Variants in MDGA2 observed in about 807,000 individuals in gnomAD.
MDGA2 encodes the protein MAM domain containing glycosylphosphatidylinositol anchor 2, also known as MAM domain-containing glycosylphosphatidylinositol anchor protein 2.
Under a neutral mutation model 117.8 loss-of-function variants are expected in MDGA2, and 40 were observed. The ratio of observed to expected loss-of-function variants is 0.34; its 90% confidence interval spans 0.26 to 0.44. MDGA2 has a LOEUF of 0.44. MDGA2 is among the 20% of genes least tolerant of loss of function. MDGA2 has a pLI of 1.00. For synonymous variants in MDGA2, 452 were observed against 439.0 expected, an observed-to-expected ratio of 1.03 and a Z score of -0.37; for missense variants, 1,123 against 1,250.6, an observed-to-expected ratio of 0.90 and a Z score of 1.54.
chr14:46,997,569 A>G (rs1298900607), intron 8 of MDGA2, among the ~76,000 whole-genome samples: 1 of 152,130 alleles, frequency 6.6e-6, no homozygotes, highest in Non-Finnish European at 1.5e-5. Context: ...TTAAAGAGCT[A>G]GCTAAGAAAC....
At chr14:47,517,033 G>T (rs1041770649) in intron 1 of MDGA2, among the ~76,000 whole-genome samples, 5 of 152,118 alleles carry the variant, frequency 3.3e-5, no homozygotes, top group Non-Finnish European at 7.4e-5. Flanking sequence ...AGGAATCACA[G>T]ATTGAGACTC....
chr14:47,025,929 T>G (rs1193438140), intron 8 of MDGA2, among the ~76,000 whole-genome samples: 1 of 152,144 alleles, frequency 6.6e-6, no homozygotes, highest in Non-Finnish European at 1.5e-5. Flanking sequence ...TTCTGTCTTA[T>G]ACCCTTGTGT....
intron 2 of MDGA2, among the ~76,000 whole-genome samples, chr14:47,228,839 G>A (rs1886594502): frequency 6.6e-6 from 1 of 152,158 alleles, no homozygotes; most frequent in East Asian, 1.9e-4. Flanking sequence ...GTTGAATTAT[G>A]ACAACTCTTG....
rs535474271 is a variant in MDGA2, at chr14:47,171,764, C to T, written c.596-27490G>A. 1.2e-4 allele frequency among the ~76,000 whole-genome samples: 18 copies of T among 152,280 alleles called. No individual in the cohort carries two copies. In the South Asian group the frequency reaches 3.7e-3, roughly 32 times the overall value. ...GCATTTCCATCTGAGGTATTGTGTT[C>T]ATCTCACTAGGGAGTGCCAGACAGT... is the stretch of plus-strand genomic sequence containing the variant. On this transcript the variant is annotated intron_variant, in intron 3 of 16. Coordinates refer to ENST00000399232, the MANE Select transcript of MDGA2 (RefSeq NM_001113498.3).
chr14:47,482,532 T>C (rs1222896722), intron 1 of MDGA2, among the ~76,000 whole-genome samples: 1 of 152,116 alleles, frequency 6.6e-6, no homozygotes, highest in Non-Finnish European at 1.5e-5. Flanking sequence ...TCATTCTGAC[T>C]CTGAAAAATG....
intron 2 of MDGA2, among the ~76,000 whole-genome samples, chr14:47,221,072 G>A (rs1451641448): frequency 6.6e-6 from 1 of 152,152 alleles, no homozygotes; most frequent in Non-Finnish European, 1.5e-5. Flanking sequence ...AATGAATAAG[G>A]AGGATTTCCT....
intron 6 of MDGA2, among the ~76,000 whole-genome samples, chr14:47,090,618 G>A (rs929770634): frequency 6.6e-6 from 1 of 152,142 alleles, no homozygotes; most frequent in African/African-American, 2.4e-5. Flanking sequence ...AGAGATATTT[G>A]ACCCTTCCAG....
chr14:47,083,836 T>C (rs774884483), intron 6 of MDGA2, among the ~76,000 whole-genome samples: 6 of 151,904 alleles, frequency 3.9e-5, no homozygotes, highest in Non-Finnish European at 5.9e-5. Context: ...GAGGGACATA[T>C]ACAATGACAA....
At position 47,097,102 on chromosome 14, in the gene MDGA2, A is replaced by G. The variant is rs777122154; in HGVS notation, c.947T>C (p.Leu316Ser). 1 of 1,612,800 alleles carries G rather than the reference A, an allele frequency of 6.2e-7. No individual in the cohort carries two copies. The highest frequency in any genetic ancestry group is 1.1e-5 in the South Asian group (1 of 91,034). Residue 316 changes from leucine to serine, a missense_variant, in exon 6 of 17, where the codon TTG (leucine) becomes TCG (serine). Physicochemically the swap from Leu to Ser is moderately radical, Grantham distance 145. This residue lies in a region of MDGA2 where 890 missense variants were observed against 1,050.3 expected (regional missense o/e 0.85). Coordinates refer to ENST00000399232, the MANE Select transcript of MDGA2 (RefSeq NM_001113498.3). ...ATTTACAACTATAGGATCATCCACC[A>G]AGAGTTTAATTGACGGTGATGCTAA... ...NKTASPSIKL[L>S]VDDPIVVNPG...
chr14:47,075,227 T>C (rs1030930113), intron 6 of MDGA2, among the ~76,000 whole-genome samples: 1 of 152,188 alleles, frequency 6.6e-6, no homozygotes, highest in Non-Finnish European at 1.5e-5. Flanking sequence ...CACTATTCTT[T>C]GTCTATAAGA....
intron 10 of MDGA2, among the ~76,000 whole-genome samples, chr14:46,917,585 A>G (rs1036969276): frequency 1.2e-4 from 18 of 152,204 alleles, no homozygotes; most frequent in African/African-American, 3.9e-4. Flanking sequence ...TTAAAAAAAC[A>G]TAGAAAAGGG....
intron 6 of MDGA2, among the ~76,000 whole-genome samples, chr14:47,091,952 A>G (rs1218496385): frequency 6.6e-6 from 1 of 152,146 alleles, no homozygotes; most frequent in African/African-American, 2.4e-5. Context: ...TACACTCAGC[A>G]GCATTATCAA....
chr14:47,501,488 T>C (rs534083546), intron 1 of MDGA2, among the ~76,000 whole-genome samples: 33 of 152,296 alleles, frequency 2.2e-4, no homozygotes, highest in Admixed American at 1.3e-4. Context: ...TAATGTTTAT[T>C]ATGAGTTGAA....
At chr14:47,574,113 G>A (rs1896070750) in intron 1 of MDGA2, among the ~76,000 whole-genome samples, 1 of 152,196 alleles carries the variant, frequency 6.6e-6, no homozygotes, top group Non-Finnish European at 1.5e-5. Context: ...AATGGGTTCT[G>A]TGGATCGTGG....
At chr14:47,409,702 T>A (rs929206973) in intron 1 of MDGA2, among the ~76,000 whole-genome samples, 2 of 152,120 alleles carry the variant, frequency 1.3e-5, no homozygotes. Flanking sequence ...CAGATGACAC[T>A]TAGAGGTTAA....
chr14:47,365,258 G>A (rs1278073224), intron 1 of MDGA2, among the ~76,000 whole-genome samples: 1 of 152,222 alleles, frequency 6.6e-6, no homozygotes, highest in Non-Finnish European at 1.5e-5. Flanking sequence ...TCTGAGCACA[G>A]CTGGAAAATG....
intron 8 of MDGA2, among the ~76,000 whole-genome samples, chr14:47,023,718 A>C (rs1594538033): frequency 6.6e-6 from 1 of 152,168 alleles, no homozygotes; most frequent in Non-Finnish European, 1.5e-5. Context: ...AATTAAAAGG[A>C]ATTACTATAC....
chr14:47,231,520 G>C (rs951748458), intron 2 of MDGA2, among the ~76,000 whole-genome samples: 1 of 152,004 alleles, frequency 6.6e-6, no homozygotes, highest in Non-Finnish European at 1.5e-5. Context: ...AGTGAAAATG[G>C]AAGGCTGCTG....
At chr14:47,301,595 GT>G in intron 1 of MDGA2, 45 bp from the exon 2 acceptor site, 1 of 1,546,652 alleles carries the variant, frequency 6.5e-7, no homozygotes, top group African/African-American at 1.4e-5. Flanking sequence ...GAAAAGGTAA[GT>G]CAGTGATCTT....
Sources: gnomAD v4.1 joint callset for allele counts (sites outside exome capture counted in the v4.1 genomes callset) on GRCh38, gnomAD v4.1.1 for gene constraint, gnomAD v4.1.1 regional missense constraint, MANE v1.5 for transcripts, NCBI Gene and HGNC (gene_info 2026-07-23, HGNC 2026-07-21) for gene names.